Variants in CYP3A7 observed in about 807,000 individuals in gnomAD.
The protein encoded by CYP3A7 is cytochrome P450 family 3 subfamily A member 7, also known as cytochrome P450 3A7.
Under a neutral mutation model 55.2 loss-of-function variants are expected in CYP3A7, and 45 were observed. The ratio of observed to expected loss-of-function variants is 0.82; its 90% CI spans 0.64 to 1.05. CYP3A7 has a LOEUF of 1.05. CYP3A7 is among the 50% of genes least tolerant of loss of function. CYP3A7 has a pLI of 0.00. For missense variants in CYP3A7, 548 were observed against 605.3 expected (o/e 0.91, Z 0.99); for synonymous variants, 180 against 207.4 (o/e 0.87, Z 1.13).
Position 99,705,569 on chromosome 7 carries a change from TC to T in CYP3A7, c.1442del (p.Gly481AspfsTer4). On this transcript the variant is annotated frameshift_variant, in exon 13 of 13. Transcript: ENST00000336374. LOFTEE classifies it low-confidence loss of function (END_TRUNC). The part of the protein sequence containing the change: ...TQIPLKLRFG[G>X]LLLTEKPIVL... Reference sequence around the variant, plus strand: ...CAATGGGTTTTTCTGTTAGAAGAAGTCCTCCAAAGCGTAATTTCAGGGGGAT... The same window carrying T: ...CAATGGGTTTTTCTGTTAGAAGAAGTCTCCAAAGCGTAATTTCAGGGGGAT... 6.2e-7 allele frequency: 1 copy of T among 1,613,598 alleles called. No individual in the cohort carries two copies.
intron 6 of CYP3A7, among the ~76,000 whole-genome samples, chr7:99,716,905 G>A (rs1463235777): frequency 2.0e-5 from 3 of 152,078 alleles, no homozygotes; most frequent in Non-Finnish European, 4.4e-5. Context: ...CCCCCTAAAG[G>A]ATGTATTTAG....
At chr7:99,715,397 GAA>G (rs1255423091) in intron 7 of CYP3A7, 4 of 269,278 alleles carry the variant, frequency 1.5e-5, no homozygotes, top group African/African-American at 2.2e-5. Flanking sequence ...GCAGAAGAAA[GAA>G]AATAATACAG....
Position 99,705,116 on chromosome 7 carries a change from A to G in CYP3A7, c.*384T>C, listed in dbSNP as rs556467114. ...TACTACAGATATAACACATGATATA[A>G]ATGTCACTGTTAGAGCCATCAAAAT... On this transcript the variant is annotated 3_prime_UTR_variant, in exon 13 of 13. Transcript: ENST00000336374. The G allele has an allele frequency of 2.7e-5, 6 of 222,560 alleles. No individual in the cohort carries two copies. The East Asian group carries it at 6.3e-4, about 23-fold the overall frequency. 13.8% of individuals were successfully genotyped at this position (222,560 alleles called of 1,614,324 possible).
chr7:99,717,665 G>A (rs1814017137), intron 4 of CYP3A7, 26 bp from the exon 5 acceptor site: 1 of 1,612,034 alleles, frequency 6.2e-7, no homozygotes, highest in African/African-American at 1.3e-5. Context: ...GAAAGATTTT[G>A]TCCTACATCA....
chr7:99,705,613 G>A lies in CYP3A7; in HGVS notation c.1417-18C>T. On this transcript the variant is annotated intron_variant, in intron 12 of 12. Coordinates refer to ENST00000336374, the MANE Select transcript of CYP3A7 (RefSeq NM_000765.5). ...AGGGGGATCTGCAACAGTTAAACGA[G>A]CATATTGAGAAGCATTAAATAAAGC... is the stretch of plus-strand genomic sequence containing the variant. 4 of 1,611,978 alleles carry A rather than the reference G, an allele frequency of 2.5e-6. No homozygotes were observed. The highest frequency in any genetic ancestry group is 3.4e-6 in the Non-Finnish European group (4 of 1,178,834).
At chr7:99,717,786 G>A in intron 4 of CYP3A7, 147 bp from the exon 5 acceptor site, 2 of 1,079,888 alleles carry the variant, frequency 1.9e-6, no homozygotes, top group Non-Finnish European at 2.7e-6. Context: ...ATGCTCAATA[G>A]GATTTATCCC....
chr7:99,722,089 G>T (rs1188316127), intron 3 of CYP3A7, among the ~76,000 whole-genome samples: 2 of 152,074 alleles, frequency 1.3e-5, no homozygotes, highest in Admixed American at 6.5e-5. Context: ...CCCTGAATTT[G>T]CACATAGCTT....
chr7:99,719,638 G>C (rs1434726568), intron 4 of CYP3A7, among the ~76,000 whole-genome samples: 6 of 152,012 alleles, frequency 3.9e-5, no homozygotes, highest in African/African-American at 1.4e-4. Context: ...AATAAAAAAA[G>C]TTTTCCCTGA....
At chr7:99,709,541 C>T (rs1813665246) in intron 10 of CYP3A7, among the ~76,000 whole-genome samples, 2 of 152,090 alleles carry the variant, frequency 1.3e-5, no homozygotes, top group Admixed American at 1.3e-4. Flanking sequence ...TTTTCTTTCT[C>T]ATGGAAGCAA....
At chr7:99,717,965 G>A (rs775099058) in intron 4 of CYP3A7, among the ~76,000 whole-genome samples, 2 of 152,164 alleles carry the variant, frequency 1.3e-5, no homozygotes, top group African/African-American at 2.4e-5. Flanking sequence ...AGGTGGCTTT[G>A]TTGGACTGTA....
intron 12 of CYP3A7, among the ~76,000 whole-genome samples, chr7:99,707,216 G>A (rs536666271): frequency 2.0e-5 from 3 of 152,302 alleles, no homozygotes. Flanking sequence ...CAGTAAGGAT[G>A]GCCTTGGACT....
At position 99,709,023 on chromosome 7, in the gene CYP3A7, G is replaced by A. The variant is rs766140164; in HGVS notation, c.1253+12C>T. 3.7e-6 allele frequency: 6 copies of A among 1,613,724 alleles called. No homozygotes were observed. In the South Asian group the frequency reaches 5.5e-5, roughly 15 times the overall value. On this transcript the variant is annotated intron_variant, in intron 11 of 12. Transcript: ENST00000336374. ...TGGTTCAGGGAGGGCTCCCTTCCCA[G>A]GGGCCTCCTACCTTTCAGGGAGGAA...
intron 2 of CYP3A7, 135 bp from the exon 3 acceptor site, chr7:99,722,483 C>T (rs1814243348): frequency 2.7e-6 from 3 of 1,099,720 alleles, no homozygotes; most frequent in East Asian, 2.6e-5. Context: ...TTAGAGATGT[C>T]ATAAGAGAAA....
intron 9 of CYP3A7, among the ~76,000 whole-genome samples, chr7:99,711,671 G>A (rs1813754097): frequency 6.6e-6 from 1 of 152,172 alleles, no homozygotes; most frequent in Non-Finnish European, 1.5e-5. Context: ...GGGAGGCTGA[G>A]GCAGAATAAT....
intron 4 of CYP3A7, among the ~76,000 whole-genome samples, chr7:99,719,288 T>G (rs1814090026): frequency 6.6e-6 from 1 of 152,182 alleles, no homozygotes; most frequent in African/African-American, 2.4e-5. Context: ...CAGTTTGTTG[T>G]TGATGGAGGA....
intron 4 of CYP3A7, among the ~76,000 whole-genome samples, chr7:99,718,664 A>G (rs1219708339): frequency 1.3e-5 from 2 of 152,212 alleles, no homozygotes; most frequent in African/African-American, 4.8e-5. Flanking sequence ...TTGACATTAT[A>G]CTGGGAAAAA....
At chr7:99,734,852 C>A (rs1814768657) in intron 1 of CYP3A7, among the ~76,000 whole-genome samples, 171 bp downstream of exon 1, 1 of 152,094 alleles carries the variant, frequency 6.6e-6, no homozygotes, top group Admixed American at 6.5e-5. Context: ...GAACTCCTGA[C>A]CTCAGGCAGT....
At chr7:99,722,202 C>T (rs1049738486) in intron 3 of CYP3A7, 94 bp downstream of exon 3, 27 of 1,512,228 alleles carry the variant, frequency 1.8e-5, no homozygotes, top group African/African-American at 5.5e-5. Flanking sequence ...AGAGCTTCAT[C>T]GCAAGAGGCT....
intron 2 of CYP3A7, among the ~76,000 whole-genome samples, chr7:99,728,640 G>A (rs1323451750): frequency 2.0e-5 from 3 of 152,158 alleles, no homozygotes; most frequent in African/African-American, 7.2e-5. Context: ...ATGTACACTA[G>A]TATTTCTTAT....
Sources: gnomAD v4.1 joint callset for allele counts (sites outside exome capture counted in the v4.1 genomes callset) on GRCh38, gnomAD v4.1.1 for gene constraint, MANE v1.5 for transcripts, NCBI Gene and HGNC (gene_info 2026-07-23, HGNC 2026-07-21) for gene names.